Variants in OPCML observed in about 807,000 individuals in gnomAD.
OPCML encodes the protein opioid-binding protein/cell adhesion molecule.
Under a neutral mutation model 37.8 loss-of-function variants are expected in OPCML, and 13 were observed. That is an observed-to-expected ratio of 0.34 (90% CI 0.22 to 0.55). The LOEUF (loss-of-function observed/expected upper bound fraction) is 0.55. Among genes scored for constraint, OPCML ranks in the 20% least tolerant of loss-of-function variants. The pLI is 0.91. For synonymous variants in OPCML, 176 were observed against 168.8 expected (o/e 1.04, Z -0.33); for missense variants, 341 against 435.6 (o/e 0.78, Z 1.93).
intron 2 of OPCML, among the ~76,000 whole-genome samples, chr11:132,862,115 C>T (rs1012586573): frequency 2.0e-5 from 3 of 152,054 alleles, no homozygotes; most frequent in Non-Finnish European, 4.4e-5. Flanking sequence ...GCTAGAATGA[C>T]ACAGTTTTTA....
At chr11:132,665,767 C>A (rs1385125980) in intron 2 of OPCML, among the ~76,000 whole-genome samples, 1 of 152,118 alleles carries the variant, frequency 6.6e-6, no homozygotes, top group Admixed American at 6.5e-5. Flanking sequence ...GATCACATTA[C>A]TAGTTTCCCA....
At chr11:133,052,073 T>C (rs1396057089) in intron 1 of OPCML, among the ~76,000 whole-genome samples, 2 of 152,214 alleles carry the variant, frequency 1.3e-5, no homozygotes, top group African/African-American at 4.8e-5. Flanking sequence ...ACAAAGAGAT[T>C]TGAAGATTTT....
chr11:132,528,419 T>C (rs1301682456), intron 4 of OPCML, among the ~76,000 whole-genome samples: 1 of 152,196 alleles, frequency 6.6e-6, no homozygotes, highest in Non-Finnish European at 1.5e-5. Flanking sequence ...CCTCTTCAAG[T>C]TTGACTTGGG....
chr11:133,340,855 G>T (rs1943854044), intron 1 of OPCML, among the ~76,000 whole-genome samples: 1 of 152,068 alleles, frequency 6.6e-6, no homozygotes, highest in African/African-American at 2.4e-5. Flanking sequence ...AAAGGCTTTT[G>T]TAATTGCTGC....
rs867304038 is a variant in OPCML, at chr11:132,935,344, G to C, written c.146+7582C>G. 2.0e-5 allele frequency among the ~76,000 whole-genome samples: 3 copies of C among 151,810 alleles called. No homozygotes were observed. The South Asian group carries it at 6.2e-4, about 32-fold the overall frequency. On this transcript the variant is annotated intron_variant, in intron 2 of 7. Transcript: ENST00000524381. Reference sequence around the variant, plus strand: ...TATCGTATTCTTTTTTCTCTCTTTTGCGTAATTACTTCTGCAACAACGTTG... The same window carrying C: ...TATCGTATTCTTTTTTCTCTCTTTTCCGTAATTACTTCTGCAACAACGTTG...
rs573757725 is a variant in OPCML, at chr11:132,840,904, T to G, written c.146+102022A>C. ...AAGAACGTAGTGAGAGGGAAGCAGA[T>G]GCGGCAAAAAGAAGAGCCCAGGGCC... On this transcript the variant is annotated intron_variant, in intron 2 of 7. Transcript: ENST00000524381. 9.9e-5 allele frequency among the ~76,000 whole-genome samples: 15 copies of G among 151,838 alleles called. 1 individual carries two copies. The highest frequency in any genetic ancestry group is 2.0e-4 in the Admixed American group (3 of 15,244).
At chr11:132,703,424 T>A (rs1943909218) in intron 2 of OPCML, among the ~76,000 whole-genome samples, 1 of 152,182 alleles carries the variant, frequency 6.6e-6, no homozygotes, top group Non-Finnish European at 1.5e-5. Context: ...TACTGGTACT[T>A]TATTTTGTGC....
intron 3 of OPCML, among the ~76,000 whole-genome samples, chr11:132,577,170 C>G: frequency 6.6e-6 from 1 of 152,062 alleles, no homozygotes; most frequent in East Asian, 1.9e-4. Flanking sequence ...AGATTTCTCA[C>G]AAAGGGAAAT....
intron 3 of OPCML, among the ~76,000 whole-genome samples, chr11:132,576,901 C>T (rs199677054): frequency 1.1e-4 from 16 of 152,270 alleles, no homozygotes; most frequent in Middle Eastern, 3.4e-3. Context: ...CAAGCTGCCA[C>T]GTCCACTCTC....
chr11:133,254,652 T>A (rs538353798), intron 1 of OPCML, among the ~76,000 whole-genome samples: 20 of 152,288 alleles, frequency 1.3e-4, no homozygotes, highest in African/African-American at 4.8e-4. Flanking sequence ...GTAGACTGCA[T>A]TTGAATTTAT....
chr11:133,130,223 A>T (rs1398452240), intron 1 of OPCML, among the ~76,000 whole-genome samples: 1 of 152,110 alleles, frequency 6.6e-6, no homozygotes, highest in Non-Finnish European at 1.5e-5. Flanking sequence ...CTGAACTCAA[A>T]TACACAACAA....
At chr11:133,355,714 T>C (rs1565589555) in intron 1 of OPCML, among the ~76,000 whole-genome samples, 1 of 152,146 alleles carries the variant, frequency 6.6e-6, no homozygotes, top group East Asian at 1.9e-4. Flanking sequence ...ATTCCAGTGG[T>C]TCAATCTGCC....
At chr11:133,407,161 G>A (rs916212112) in intron 1 of OPCML, among the ~76,000 whole-genome samples, 2 of 151,988 alleles carry the variant, frequency 1.3e-5, no homozygotes, top group Non-Finnish European at 2.9e-5. Context: ...GGAATGATGG[G>A]GCTAAAACTG....
Position 133,516,138 on chromosome 11 carries a change from C to T in OPCML, c.61+16126G>A, listed in dbSNP as rs550625883. On this transcript the variant is annotated intron_variant, in intron 1 of 7. Transcript: ENST00000524381. ...GGGAGAGCTTGGGGACTGCGACCCC[C>T]GCAGAGGGAGAGCAAGGCTGGCAGC... Among the ~76,000 whole-genome samples, 26 of 152,208 alleles carry T rather than the reference C, an allele frequency of 1.7e-4. No individual in the cohort carries two copies. In the South Asian group the frequency reaches 1.9e-3, roughly 11 times the overall value.
chr11:133,059,922 A>G (rs190704380), intron 1 of OPCML, among the ~76,000 whole-genome samples: 33 of 152,366 alleles, frequency 2.2e-4, no homozygotes, highest in Non-Finnish European at 1.5e-5. Flanking sequence ...GGTAAAGAAT[A>G]GAATTTTGGA....
intron 1 of OPCML, among the ~76,000 whole-genome samples, chr11:133,456,253 G>A (rs1355880877): frequency 6.6e-6 from 1 of 152,178 alleles, no homozygotes; most frequent in Non-Finnish European, 1.5e-5. Flanking sequence ...ACATTTTAAA[G>A]CAGCTATTTT....
intron 1 of OPCML, among the ~76,000 whole-genome samples, chr11:133,175,484 G>GAA (rs5795829): frequency 0.027 from 3,673 of 137,532 alleles, 102 homozygotes; most frequent in African/African-American, 0.075. Flanking sequence ...GAGAAAAATA[G>GAA]AAAAAAAAAA....
chr11:132,839,870 T>C (rs117911067), intron 2 of OPCML, among the ~76,000 whole-genome samples: 1,594 of 152,166 alleles, frequency 0.01, 17 homozygotes, highest in Non-Finnish European at 0.018. Context: ...CTTCGTCGAC[T>C]GCCTGAGTGG....
intron 3 of OPCML, among the ~76,000 whole-genome samples, chr11:132,564,807 A>G (rs2096418679): frequency 6.6e-6 from 1 of 152,242 alleles, no homozygotes; most frequent in Non-Finnish European, 1.5e-5. Flanking sequence ...TAGATTTTAC[A>G]GTCCTGGAGA....
Sources: allele counts gnomAD v4.1 joint callset (sites outside exome capture counted in the v4.1 genomes callset), GRCh38; gene constraint gnomAD v4.1.1; transcripts MANE v1.5; gene names NCBI Gene and HGNC (gene_info 2026-07-23, HGNC 2026-07-21).